The following PDE4D variants were observed in gnomAD, a reference collection of about 807,000 sequenced individuals.
PDE4D encodes the protein 3',5'-cyclic-AMP phosphodiesterase 4D.
In PDE4D, 24 loss-of-function variants were observed where a neutral mutation model predicts 87.4. That is an observed-to-expected ratio of 0.27 (90% CI 0.20 to 0.39). The LOEUF (loss-of-function observed/expected upper bound fraction) is 0.39. Among genes scored for constraint, PDE4D ranks in the 10% least tolerant of loss-of-function variants. The pLI, the probability that PDE4D is intolerant of heterozygous loss-of-function variation, is 1.00. For synonymous variants in PDE4D, 384 were observed against 383.2 expected, an observed-to-expected ratio of 1.00 and a Z score of -0.02; for missense variants, 714 against 1,041.0, an observed-to-expected ratio of 0.69 and a Z score of 4.32.
At chr5:59,224,910 T>C (rs1237132373) in intron 1 of PDE4D, among the ~76,000 whole-genome samples, 1 of 152,194 alleles carries the variant, frequency 6.6e-6, no homozygotes, top group Non-Finnish European at 1.5e-5. Flanking sequence ...TGTGAGAACA[T>C]TTCTGTTTAG....
intron 1 of PDE4D, among the ~76,000 whole-genome samples, chr5:59,546,344 G>A (rs1225495204): frequency 6.6e-6 from 1 of 152,050 alleles, no homozygotes; most frequent in African/African-American, 2.4e-5. Flanking sequence ...AAATCATAGT[G>A]AGCTAGGGTA....
At chr5:60,490,723 C>T (rs1749488433), upstream of PDE4D, 1 of 152,192 alleles carries the variant, frequency 6.6e-6, no homozygotes, top group African/African-American at 2.4e-5. Context: ...TTCATCTTAA[C>T]CCCGCAAACA....
At chr5:59,698,576 G>C (rs1021042042) in intron 1 of PDE4D, among the ~76,000 whole-genome samples, 10 of 152,052 alleles carry the variant, frequency 6.6e-5, no homozygotes, top group Non-Finnish European at 1.3e-4. Flanking sequence ...AATGTAAAAA[G>C]AATGACAGCC....
intron 5 of PDE4D, among the ~76,000 whole-genome samples, chr5:59,092,613 T>C (rs180689551): frequency 4.3e-4 from 65 of 152,314 alleles, no homozygotes; most frequent in Admixed American, 3.0e-3. Flanking sequence ...GGAGGCAAGA[T>C]AGTGTGGCAG....
At chr5:60,146,543 T>G (rs1375017470) in intron 2 of PDE4D, among the ~76,000 whole-genome samples, 1 of 152,216 alleles carries the variant, frequency 6.6e-6, no homozygotes, top group Non-Finnish European at 1.5e-5. Context: ...CAGGTAATCA[T>G]TGATCCCTTC....
At chr5:59,236,419 A>G in intron 1 of PDE4D, among the ~76,000 whole-genome samples, 1 of 152,200 alleles carries the variant, frequency 6.6e-6, no homozygotes, top group East Asian at 1.9e-4. Context: ...TTTTAAAAAT[A>G]CAGATTCTTA....
At chr5:60,011,458 G>T (rs911380105) in intron 2 of PDE4D, among the ~76,000 whole-genome samples, 1 of 151,952 alleles carries the variant, frequency 6.6e-6, no homozygotes, top group African/African-American at 2.4e-5. Context: ...ACTGTTATTC[G>T]TGAGTGCTGG....
At chr5:60,044,389 G>A (rs1041144722) in intron 2 of PDE4D, among the ~76,000 whole-genome samples, 2 of 151,494 alleles carry the variant, frequency 1.3e-5, no homozygotes, top group Non-Finnish European at 2.9e-5. Flanking sequence ...TATACTTTAA[G>A]TTTTAGGGTA....
At chr5:59,136,091 A>AT (rs1777037928) in intron 5 of PDE4D, among the ~76,000 whole-genome samples, 1 of 152,096 alleles carries the variant, frequency 6.6e-6, no homozygotes, top group Non-Finnish European at 1.5e-5. Flanking sequence ...AGGAGAGTTC[A>AT]TTTTCTTAAT....
intron 5 of PDE4D, among the ~76,000 whole-genome samples, chr5:59,041,706 A>G (rs1759717022): frequency 6.6e-6 from 1 of 152,216 alleles, no homozygotes; most frequent in South Asian, 2.1e-4. Context: ...CTGAGCCTCA[A>G]GTGATTTCCC....
At chr5:59,977,698 G>A (rs1024824344) in intron 3 of PDE4D, among the ~76,000 whole-genome samples, 2 of 152,274 alleles carry the variant, frequency 1.3e-5, no homozygotes, top group Middle Eastern at 3.4e-3. Context: ...ATTTTCAGTG[G>A]AGACAAAATA....
intron 2 of PDE4D, among the ~76,000 whole-genome samples, chr5:60,167,481 G>A (rs1285512757): frequency 6.6e-6 from 1 of 151,642 alleles, no homozygotes; most frequent in Non-Finnish European, 1.5e-5. Context: ...TGTTAGCCAG[G>A]ATGGTCTCGA....
intron 2 of PDE4D, among the ~76,000 whole-genome samples, chr5:60,085,005 A>G (rs1005094779): frequency 4.6e-5 from 7 of 152,198 alleles, no homozygotes; most frequent in Non-Finnish European, 7.3e-5. Context: ...GATATTTTGA[A>G]TATAAACTCT....
rs1326446032 is a variant in PDE4D, at chr5:60,363,727, GA to G, written c.-90+124214del. On this transcript the variant is annotated intron_variant, in intron 1 of 16. Transcript: ENST00000502484. Reference sequence around the variant, plus strand: ...ATTTGACTTGAGACCCAAATGAAAAGAAGCCAATGATCTGGAGAAAGAGCCA... The same window carrying G: ...ATTTGACTTGAGACCCAAATGAAAAGAGCCAATGATCTGGAGAAAGAGCCA... 2.6e-5 allele frequency among the ~76,000 whole-genome samples: 4 copies of G among 152,322 alleles called. No individual in the cohort carries two copies. In the East Asian group the frequency reaches 5.8e-4, roughly 22 times the overall value.
chr5:59,628,835 T>C (rs1831214684), intron 1 of PDE4D, among the ~76,000 whole-genome samples: 1 of 152,206 alleles, frequency 6.6e-6, no homozygotes, highest in Non-Finnish European at 1.5e-5. Context: ...AATAAAGACA[T>C]ACCTGACACT....
chr5:59,205,268 T>C (rs1457400414), intron 2 of PDE4D, among the ~76,000 whole-genome samples: 1 of 152,306 alleles, frequency 6.6e-6, no homozygotes, highest in African/African-American at 2.4e-5. Context: ...CTCTTTCTTT[T>C]TCACTGAAGT....
chr5:59,296,609 T>C (rs961438869), intron 1 of PDE4D, among the ~76,000 whole-genome samples: 22 of 152,176 alleles, frequency 1.4e-4, no homozygotes, highest in Non-Finnish European at 3.2e-4. Flanking sequence ...GTAAGGTAGT[T>C]GTTACAAATA....
At chr5:60,288,193 A>G (rs896346192) in intron 1 of PDE4D, among the ~76,000 whole-genome samples, 1 of 152,166 alleles carries the variant, frequency 6.6e-6, no homozygotes, top group African/African-American at 2.4e-5. Flanking sequence ...ATCTGCAAGC[A>G]TTGTTTCCCT....
intron 1 of PDE4D, among the ~76,000 whole-genome samples, chr5:59,682,500 A>G (rs972747192): frequency 1.3e-5 from 2 of 152,230 alleles, no homozygotes; most frequent in African/African-American, 2.4e-5. Flanking sequence ...CTGAATGTTT[A>G]CGTTGCCTCC....
Sources: gnomAD v4.1 joint callset for allele counts (sites outside exome capture counted in the v4.1 genomes callset) on GRCh38, gnomAD v4.1.1 for gene constraint, MANE v1.5 for transcripts, NCBI Gene and HGNC (gene_info 2026-07-23, HGNC 2026-07-21) for gene names.